The following UNC13C variants were observed in gnomAD, a reference collection of about 807,000 sequenced individuals.
The protein encoded by UNC13C is protein unc-13 homolog C.
UNC13C carries 174 observed loss-of-function variants against 245.4 expected under a neutral mutation model. The ratio of observed to expected loss-of-function variants is 0.71; its 90% CI spans 0.63 to 0.80. UNC13C has a LOEUF of 0.80. Ranked by LOEUF, UNC13C falls within the 30% of genes least tolerant of loss-of-function variation. UNC13C has a pLI of 0.00. For synonymous variants in UNC13C, 992 were observed against 895.1 expected (o/e 1.11, Z -1.93); for missense variants, 2,829 against 2,602.9 (o/e 1.09, Z -1.89).
At chr15:54,386,380 G>A (rs967106421) in intron 17 of UNC13C, among the ~76,000 whole-genome samples, 5 of 152,182 alleles carry the variant, frequency 3.3e-5, no homozygotes, top group African/African-American at 1.2e-4. Flanking sequence ...TTGAAAGTCA[G>A]GCAGGGAAGT....
intron 2 of UNC13C, among the ~76,000 whole-genome samples, chr15:54,054,418 C>T (rs1185292176): frequency 6.6e-6 from 1 of 152,072 alleles, no homozygotes; most frequent in Non-Finnish European, 1.5e-5. Context: ...TTAAGGCTGC[C>T]CTCGTTAAAT....
chr15:54,365,317 G>C (rs2039339724), intron 17 of UNC13C, among the ~76,000 whole-genome samples: 1 of 152,110 alleles, frequency 6.6e-6, no homozygotes, highest in Admixed American at 6.5e-5. Context: ...TAGCACCTTG[G>C]GGAAAGGTGT....
chr15:54,612,401 T>C (rs1190149773), intron 30 of UNC13C, among the ~76,000 whole-genome samples: 1 of 152,048 alleles, frequency 6.6e-6, no homozygotes, highest in African/African-American at 2.4e-5. Flanking sequence ...ATGACTTCTT[T>C]ATACATTAGG....
chr15:54,301,238 C>T (rs2037571613), intron 13 of UNC13C, among the ~76,000 whole-genome samples: 1 of 151,034 alleles, frequency 6.6e-6, no homozygotes, highest in Admixed American at 6.6e-5. Context: ...CAATTTCAAT[C>T]ATCTTAATGA....
chr15:54,473,267 A>G (rs1273838615), intron 19 of UNC13C, among the ~76,000 whole-genome samples: 2 of 151,822 alleles, frequency 1.3e-5, no homozygotes, highest in East Asian at 3.9e-4. Context: ...GGGACATATG[A>G]TATTTTGATA....
chr15:53,962,152 A>T, the UNC13C span, among the ~76,000 whole-genome samples: 1 of 152,120 alleles, frequency 6.6e-6, no homozygotes, highest in East Asian at 1.9e-4. Context: ...ATAATCTCAG[A>T]TTCCTGATTC....
chr15:53,989,527 C>A (rs1167558297), intron 1 of UNC13C, among the ~76,000 whole-genome samples: 1 of 151,996 alleles, frequency 6.6e-6, no homozygotes, highest in African/African-American at 2.4e-5. Flanking sequence ...TCTATTTCTT[C>A]TTTGGCAAAT....
intron 19 of UNC13C, among the ~76,000 whole-genome samples, chr15:54,484,228 C>A (rs1273649800): frequency 2.0e-5 from 3 of 152,186 alleles, no homozygotes; most frequent in Non-Finnish European, 2.9e-5. Context: ...CTTAGGTGCT[C>A]AAACACATCT....
intron 17 of UNC13C, among the ~76,000 whole-genome samples, chr15:54,377,447 A>G (rs1277435240): frequency 6.6e-6 from 1 of 152,248 alleles, no homozygotes; most frequent in Non-Finnish European, 1.5e-5. Context: ...ACAGCTATTC[A>G]GCCTCTGTCA....
chr15:54,107,289 G>A (rs1403680122), intron 2 of UNC13C, among the ~76,000 whole-genome samples: 2 of 151,920 alleles, frequency 1.3e-5, no homozygotes, highest in Non-Finnish European at 2.9e-5. Flanking sequence ...GGTATGAGGG[G>A]AAAGAAACAT....
the UNC13C span, among the ~76,000 whole-genome samples, chr15:53,873,923 T>TTCCTTCCTTC: frequency 2.1e-5 from 1 of 47,584 alleles, no homozygotes; most frequent in African/African-American, 8.0e-5. Context: ...TTCCTTCCTT[T>TTCCTTCCTTC]CTTCCTTCCT....
the UNC13C span, among the ~76,000 whole-genome samples, chr15:53,859,724 G>A: frequency 2.2e-4 from 34 of 152,248 alleles, no homozygotes; most frequent in African/African-American, 8.2e-4. Context: ...GATACCCAGG[G>A]AAGACAGTTC....
intron 19 of UNC13C, among the ~76,000 whole-genome samples, chr15:54,448,099 A>C (rs1344572908): frequency 6.6e-6 from 1 of 152,208 alleles, no homozygotes; most frequent in Non-Finnish European, 1.5e-5. Flanking sequence ...TGAGTTTCTT[A>C]ATCCTGAGTT....
intron 2 of UNC13C, among the ~76,000 whole-genome samples, chr15:54,130,807 G>T (rs12591651): frequency 5.9e-5 from 9 of 151,850 alleles, no homozygotes; most frequent in Non-Finnish European, 1.3e-4. Flanking sequence ...TTTTATGAGT[G>T]TTTTTAATAA....
chr15:53,967,987 G>C, the UNC13C span: 3 of 151,978 alleles, frequency 2.0e-5, no homozygotes, highest in African/African-American at 7.3e-5. Context: ...AAACTACTCA[G>C]TACCAATTAC....
intron 29 of UNC13C, among the ~76,000 whole-genome samples, chr15:54,563,678 C>A (rs749014237): frequency 2.0e-5 from 3 of 152,006 alleles, no homozygotes; most frequent in Admixed American, 6.6e-5. Flanking sequence ...TATCCCCCAA[C>A]AAAATGCCCA....
the UNC13C span, among the ~76,000 whole-genome samples, chr15:53,849,330 T>C: frequency 6.6e-6 from 1 of 152,034 alleles, no homozygotes; most frequent in East Asian, 1.9e-4. Flanking sequence ...TATAATTACA[T>C]TTTATGTCCA....
intron 1 of UNC13C, among the ~76,000 whole-genome samples, chr15:54,007,076 A>G (rs1305313162): frequency 6.6e-6 from 1 of 152,238 alleles, no homozygotes; most frequent in African/African-American, 2.4e-5. Context: ...AACCATATTT[A>G]TGTATCACCC....
intron 17 of UNC13C, among the ~76,000 whole-genome samples, chr15:54,392,583 T>C (rs1209493038): frequency 6.6e-6 from 1 of 151,932 alleles, no homozygotes; most frequent in Non-Finnish European, 1.5e-5. Flanking sequence ...GCATACTTAC[T>C]GCTGATGTAA....
Sources: gnomAD v4.1 joint callset for allele counts (sites outside exome capture counted in the v4.1 genomes callset) on GRCh38, gnomAD v4.1.1 for gene constraint, MANE v1.5 for transcripts, NCBI Gene and HGNC (gene_info 2026-07-23, HGNC 2026-07-21) for gene names.